Variants in RCAN2 observed in about 807,000 individuals in gnomAD.
The protein encoded by RCAN2 is regulator of calcineurin 2.
In RCAN2, 9 loss-of-function variants were observed where a neutral mutation model predicts 23.6. The observed-to-expected ratio is 0.38, with a 90% CI of 0.23 to 0.67. RCAN2 has a LOEUF of 0.67. Ranked by LOEUF, RCAN2 falls within the 30% of genes least tolerant of loss-of-function variation. The pLI, the probability that RCAN2 is intolerant of heterozygous loss-of-function variation, is 0.51. For missense variants in RCAN2, 273 were observed against 302.3 expected (o/e 0.90, Z 0.72); for synonymous variants, 109 against 115.7 (o/e 0.94, Z 0.37).
intron 1 of RCAN2, among the ~76,000 whole-genome samples, chr6:46,482,709 A>T (rs2150447953): frequency 6.6e-6 from 1 of 152,334 alleles, no homozygotes; most frequent in South Asian, 2.1e-4. Flanking sequence ...ATAGTATCAC[A>T]CCTTGGCTTG....
intron 2 of RCAN2, among the ~76,000 whole-genome samples, chr6:46,341,257 T>C (rs1239905315): frequency 6.6e-6 from 1 of 152,192 alleles, no homozygotes; most frequent in Non-Finnish European, 1.5e-5. Context: ...TCAAATGACT[T>C]GCTCTGTATT....
intron 2 of RCAN2, among the ~76,000 whole-genome samples, chr6:46,273,658 T>C (rs979692534): frequency 6.6e-6 from 1 of 152,150 alleles, no homozygotes; most frequent in African/African-American, 2.4e-5. Context: ...ATAATAAACA[T>C]GAACAGATAA....
intron 2 of RCAN2, among the ~76,000 whole-genome samples, chr6:46,436,734 G>A (rs950392428): frequency 1.3e-5 from 2 of 152,152 alleles, no homozygotes; most frequent in African/African-American, 4.8e-5. Flanking sequence ...ACTGCCTATG[G>A]TCGCACAACT....
At chr6:46,387,570 T>A (rs577093293) in intron 2 of RCAN2, among the ~76,000 whole-genome samples, 1 of 152,224 alleles carries the variant, frequency 6.6e-6, no homozygotes, top group East Asian at 1.9e-4. Context: ...CTCACACCAG[T>A]TAGAATGGTG....
chr6:46,240,484 G>A (rs1279906443), intron 4 of RCAN2, among the ~76,000 whole-genome samples: 2 of 152,056 alleles, frequency 1.3e-5, no homozygotes, highest in Non-Finnish European at 2.9e-5. Context: ...TCTTTCAAAG[G>A]CAATGGGAAA....
chr6:46,226,706 A>C (rs1765677356), intron 4 of RCAN2, among the ~76,000 whole-genome samples: 1 of 152,204 alleles, frequency 6.6e-6, no homozygotes, highest in South Asian at 2.1e-4. Context: ...GGGGTTTTCT[A>C]AATATACAAT....
At chr6:46,487,019 G>A (rs868484072) in intron 1 of RCAN2, among the ~76,000 whole-genome samples, 6 of 152,098 alleles carry the variant, frequency 3.9e-5, no homozygotes, top group African/African-American at 1.4e-4. Flanking sequence ...AAAGACACAA[G>A]AACAGTGAAC....
At chr6:46,342,954 T>C (rs1437783883) in intron 2 of RCAN2, among the ~76,000 whole-genome samples, 1 of 151,954 alleles carries the variant, frequency 6.6e-6, no homozygotes, top group Non-Finnish European at 1.5e-5. Context: ...ATAATTAGAG[T>C]CTTAAAAGCA....
chr6:46,390,762 A>T (rs1765909772), intron 2 of RCAN2, among the ~76,000 whole-genome samples: 1 of 152,224 alleles, frequency 6.6e-6, no homozygotes, highest in South Asian at 2.1e-4. Context: ...AAGGTGAGTG[A>T]TATTGGGACC....
intron 3 of RCAN2, among the ~76,000 whole-genome samples, chr6:46,247,331 C>G (rs929415161): frequency 6.6e-6 from 1 of 152,134 alleles, no homozygotes; most frequent in East Asian, 1.9e-4. Flanking sequence ...TCCTTCCTTC[C>G]TTGGTGAAAT....
intron 2 of RCAN2, among the ~76,000 whole-genome samples, chr6:46,350,890 C>T (rs1319942414): frequency 6.6e-6 from 1 of 152,102 alleles, no homozygotes; most frequent in Non-Finnish European, 1.5e-5. Flanking sequence ...GGCCTGGAGC[C>T]CACCCACTTA....
At chr6:46,365,309 C>T (rs1312063548) in intron 2 of RCAN2, among the ~76,000 whole-genome samples, 1 of 151,852 alleles carries the variant, frequency 6.6e-6, no homozygotes, top group African/African-American at 2.4e-5. Flanking sequence ...AACCCTGTCT[C>T]TACTAAAAAT....
chr6:46,487,712 G>T (rs971645873), intron 1 of RCAN2, among the ~76,000 whole-genome samples: 24 of 152,218 alleles, frequency 1.6e-4, no homozygotes, highest in African/African-American at 5.8e-4. Context: ...GGCAGGCAGG[G>T]TTCCCCTTCC....
intron 2 of RCAN2, among the ~76,000 whole-genome samples, chr6:46,425,996 T>C (rs573842540): frequency 1.1e-4 from 16 of 151,630 alleles, no homozygotes; most frequent in African/African-American, 3.6e-4. Context: ...TCTCCCGGGT[T>C]CAAGCGATTC....
intron 2 of RCAN2, among the ~76,000 whole-genome samples, chr6:46,288,791 T>C (rs1329431190): frequency 6.6e-6 from 1 of 152,266 alleles, no homozygotes; most frequent in Non-Finnish European, 1.5e-5. Context: ...CATAGCCAAG[T>C]TATCCTCTGA....
At chr6:46,283,370 G>A (rs1438466350) in intron 2 of RCAN2, among the ~76,000 whole-genome samples, 1 of 152,146 alleles carries the variant, frequency 6.6e-6, no homozygotes, top group Admixed American at 6.5e-5. Flanking sequence ...TTGAGCCCAG[G>A]AGATCGAGGT....
chr6:46,237,461 G>T (rs886599254), intron 4 of RCAN2, among the ~76,000 whole-genome samples: 1 of 152,158 alleles, frequency 6.6e-6, no homozygotes, highest in African/African-American at 2.4e-5. Context: ...CAACAGGAAA[G>T]TTATTTGTGG....
At chr6:46,417,850 A>G (rs747254683) in intron 2 of RCAN2, among the ~76,000 whole-genome samples, 1 of 152,250 alleles carries the variant, frequency 6.6e-6, no homozygotes, top group East Asian at 1.9e-4. Flanking sequence ...GGTAATTTAC[A>G]CACACAATTA....
chr6:46,359,332 G>T (rs1162112152), intron 2 of RCAN2, among the ~76,000 whole-genome samples: 1 of 152,196 alleles, frequency 6.6e-6, no homozygotes, highest in Non-Finnish European at 1.5e-5. Context: ...CGACAGTTCC[G>T]GTGTGATACA....
Sources: gnomAD v4.1 joint callset for allele counts (sites outside exome capture counted in the v4.1 genomes callset) on GRCh38, gnomAD v4.1.1 for gene constraint, MANE v1.5 for transcripts, NCBI Gene and HGNC (gene_info 2026-07-23, HGNC 2026-07-21) for gene names.